Variants in NSD1 observed in about 807,000 individuals in gnomAD.
NSD1 encodes nuclear receptor binding SET domain protein 1, also known as histone-lysine N-methyltransferase, H3 lysine-36 specific.
NSD1 carries 26 observed loss-of-function variants against 242.7 expected under a neutral mutation model. The observed-to-expected ratio is 0.11, with a 90% CI of 0.08 to 0.15. The LOEUF (loss-of-function observed/expected upper bound fraction) is 0.15. Among genes scored for constraint, NSD1 ranks in the 10% least tolerant of loss-of-function variants. NSD1 has a pLI of 1.00. For missense variants in NSD1, 2,495 were observed against 3,272.8 expected, an observed-to-expected ratio of 0.76 and a Z score of 5.80; for synonymous variants, 1,106 against 1,178.1, an observed-to-expected ratio of 0.94 and a Z score of 1.25.
intron 14 of NSD1, among the ~76,000 whole-genome samples, chr5:177,261,171 G>T (rs114022764): frequency 0.049 from 7,347 of 151,174 alleles, 198 homozygotes; most frequent in South Asian, 0.081. Flanking sequence ...ACCGGTTCAA[G>T]CGATTCTACT....
chr5:177,298,485 C>T lies in NSD1; in HGVS notation c.*3026C>T, dbSNP rs879295228. The T allele has an allele frequency of 1.4e-4, 33 of 233,132 alleles. 1 individual carries two copies. In the Admixed American group the frequency reaches 1.7e-3, roughly 12 times the overall value. The allele number at this position is 233,132 out of a possible 1,614,324, so 14.4% of individuals were successfully genotyped here. A position where few individuals can be genotyped will look rare whatever the true frequency, so the allele number is the denominator to read the frequency against. Reference sequence around the variant, plus strand: ...ATTTGCTTATCTTGCTGGAGCCAACCCAGTCTAATAGCAAAATAGCTGTCA... The same window carrying T: ...ATTTGCTTATCTTGCTGGAGCCAACTCAGTCTAATAGCAAAATAGCTGTCA... On this transcript the variant is annotated 3_prime_UTR_variant, in exon 23 of 23. Coordinates refer to ENST00000439151, the MANE Select transcript of NSD1 (RefSeq NM_022455.5).
intron 14 of NSD1, among the ~76,000 whole-genome samples, chr5:177,264,218 G>T (rs1294350072): frequency 6.6e-6 from 1 of 151,614 alleles, no homozygotes; most frequent in Non-Finnish European, 1.5e-5. Context: ...TGTATTTTTA[G>T]TAGAGATGAG....
chr5:177,135,633 A>G lies in NSD1; in HGVS notation c.530A>G (p.Asp177Gly), dbSNP rs538618950. ...EMDPEQPVTE[D>G]ESIEEIFEET... ...GACCCAGAACAGCCAGTCACAGAGG[A>G]TGAGAGTATAGAGGAGATCTTTGAG... Residue 177 changes from aspartate (D) to glycine (G), a missense_variant, in exon 2 of 23, where the codon GAT (aspartate) becomes GGT (glycine). Physicochemically the swap from Asp to Gly is moderately conservative, Grantham distance 94. This residue lies in a region of NSD1 where 376 missense variants were observed against 367.4 expected (regional missense o/e 1.02). Coordinates refer to ENST00000439151, the MANE Select transcript of NSD1 (RefSeq NM_022455.5). 5.0e-6 allele frequency: 8 copies of G among 1,614,238 alleles called. No homozygotes were observed. In the Admixed American group the frequency reaches 6.7e-5, roughly 13 times the overall value.
chr5:177,151,889 C>T (rs935710691), intron 2 of NSD1, among the ~76,000 whole-genome samples: 1 of 151,016 alleles, frequency 6.6e-6, no homozygotes, highest in African/African-American at 2.4e-5. Flanking sequence ...TTGAGACAGT[C>T]TTGCCCCATC....
chr5:177,207,345 C>T lies in NSD1; in HGVS notation c.1237-2291C>T, dbSNP rs367820942. On this transcript the variant is annotated intron_variant, in intron 4 of 22. Coordinates refer to ENST00000439151, the MANE Select transcript of NSD1 (RefSeq NM_022455.5). ...TTGTGCAGGCTGGAGTGCAGTGGTG[C>T]GATGTCAGCTCACTACAACCTCCGC... 4.0e-5 allele frequency among the ~76,000 whole-genome samples: 6 copies of T among 151,208 alleles called. No homozygotes were observed. In the South Asian group the frequency reaches 6.3e-4, roughly 16 times the overall value.
At chr5:177,207,373 C>G (rs71601345) in intron 4 of NSD1, among the ~76,000 whole-genome samples, 1 of 151,772 alleles carries the variant, frequency 6.6e-6, no homozygotes, top group South Asian at 2.1e-4. Context: ...ACCTCCGCCT[C>G]CCGGGTTCAC....
chr5:177,247,302 C>A (rs534973971), intron 10 of NSD1, among the ~76,000 whole-genome samples: 1 of 152,086 alleles, frequency 6.6e-6, no homozygotes, highest in Non-Finnish European at 1.5e-5. Context: ...TGGTGGCATG[C>A]GCCTATAATT....
At chr5:177,220,563 CTTTTTTTTTTTTT>C (rs869220346) in intron 5 of NSD1, among the ~76,000 whole-genome samples, 2 of 84,332 alleles carry the variant, frequency 2.4e-5, no homozygotes, top group Admixed American at 1.4e-4. Flanking sequence ...ATAGTAATTG[CTTTTTTTTTTTTT>C]TTTTTTTTTT....
At position 177,149,915 on chromosome 5, in the gene NSD1, C is replaced by G. The variant is rs1465371597; in HGVS notation, c.927+13885C>G. On this transcript the variant is annotated intron_variant, in intron 2 of 22. Transcript: ENST00000439151. ...TAGATGATCCACATTCTTTTAAATG[C>G]CTATATACAAACCATACTTTCTTTA... Among the ~76,000 whole-genome samples the G allele has an allele frequency of 3.9e-5, 6 of 151,980 alleles. 1 individual carries two copies. Among genetic ancestry groups the G allele is most frequent in the Non-Finnish European group, 8.8e-5 (6 of 67,984 alleles).
intron 17 of NSD1, 79 bp from the exon 18 acceptor site, chr5:177,280,486 A>G: frequency 1.3e-6 from 2 of 1,568,690 alleles, no homozygotes. Context: ...CTTCAAGGAA[A>G]AAAAGTTTGC....
chr5:177,280,889 C>T, intron 18 of NSD1, 55 bp downstream of exon 18: 1 of 1,557,880 alleles, frequency 6.4e-7, no homozygotes, highest in African/African-American at 1.4e-5. Context: ...TGCTTGATAT[C>T]ATTGATCCTT....
intron 18 of NSD1, among the ~76,000 whole-genome samples, chr5:177,281,350 TAA>T (rs58516198): frequency 0.079 from 11,556 of 145,422 alleles, 927 homozygotes; most frequent in African/African-American, 0.22. Context: ...TTTTTTTTAA[TAA>T]AATAAGCCTT....
intron 4 of NSD1, among the ~76,000 whole-genome samples, chr5:177,205,537 T>C (rs551417962): frequency 4.2e-4 from 64 of 151,648 alleles, no homozygotes; most frequent in Non-Finnish European, 6.8e-4. Flanking sequence ...TGTTAAAATA[T>C]ATATAATATA....
intron 5 of NSD1, among the ~76,000 whole-genome samples, chr5:177,231,098 C>T (rs1009995463): frequency 6.6e-6 from 1 of 152,162 alleles, no homozygotes; most frequent in African/African-American, 2.4e-5. Context: ...ACCCTGCCCC[C>T]ACTTTGAGAC....
chr5:177,275,802 A>G (rs1758337955), intron 17 of NSD1, among the ~76,000 whole-genome samples: 1 of 152,152 alleles, frequency 6.6e-6, no homozygotes, highest in Admixed American at 6.5e-5. Flanking sequence ...AATAATGTGT[A>G]ATGATGAATT....
At chr5:177,259,397 G>C (rs1213239125) in intron 13 of NSD1, among the ~76,000 whole-genome samples, 1 of 152,066 alleles carries the variant, frequency 6.6e-6, no homozygotes, top group Non-Finnish European at 1.5e-5. Context: ...GAAGTGGGAA[G>C]ACTGTTTGAG....
intron 2 of NSD1, among the ~76,000 whole-genome samples, chr5:177,184,253 A>G (rs1023998362): frequency 1.3e-5 from 2 of 152,168 alleles, no homozygotes; most frequent in Admixed American, 6.6e-5. Context: ...CCAACAACGT[A>G]TGAGGGTTCC....
rs2127282875 is a variant in NSD1, at chr5:177,294,792, T to A, written c.7424T>A (p.Val2475Asp). 2 of 1,613,436 alleles carry A rather than the reference T, an allele frequency of 1.2e-6. No homozygotes were observed. The highest frequency in any genetic ancestry group is 1.7e-6 in the Non-Finnish European group (2 of 1,180,034). The part of the protein sequence containing the change: ...QKERAASPHQ[V>D]TPQADEKMPV... ...GAGCGGGCAGCTTCACCTCATCAGGTCACACCACAGGCTGATGAGAAGATG... is the reference window on the plus strand; with the variant it reads ...GAGCGGGCAGCTTCACCTCATCAGGACACACCACAGGCTGATGAGAAGATG... Residue 2475 changes from valine (V) to aspartate (D), a missense_variant, in exon 23 of 23, where the codon GTC (valine) becomes GAC (aspartate). Val to Asp is a radical substitution (Grantham distance 152). Coordinates refer to ENST00000439151, the MANE Select transcript of NSD1 (RefSeq NM_022455.5).
Position 177,134,701 on chromosome 5 carries a change from C to T in NSD1, c.-17-386C>T, listed in dbSNP as rs139483904. Among the ~76,000 whole-genome samples the T allele has an allele frequency of 0.029, 4,357 of 152,292 alleles. 84 individuals are homozygous for T. The highest frequency in any genetic ancestry group is 0.044 in the Middle Eastern group (13 of 294). On this transcript the variant is annotated intron_variant, in intron 1 of 22. Coordinates refer to ENST00000439151, the MANE Select transcript of NSD1 (RefSeq NM_022455.5). This position sits in a 1 kb window ranked among gnomAD's most constrained non-coding sequence, Gnocchi z 4.2. ...TTGTGCAGGGTCCAGGAGCCCCCCTCGGACCCCGCAGCCTTTTGCTTTTGA... is the reference window on the plus strand; with the variant it reads ...TTGTGCAGGGTCCAGGAGCCCCCCTTGGACCCCGCAGCCTTTTGCTTTTGA...
Sources: allele counts gnomAD v4.1 joint callset (sites outside exome capture counted in the v4.1 genomes callset), GRCh38; gene constraint gnomAD v4.1.1; regional missense constraint gnomAD v4.1.1; non-coding constraint Gnocchi (gnomAD v3.1); transcripts MANE v1.5; gene names NCBI Gene and HGNC (gene_info 2026-07-23, HGNC 2026-07-21).